RGS6: variants seen among roughly 807,000 people sequenced by gnomAD.
The protein encoded by RGS6 is regulator of G protein signaling 6, also known as regulator of G-protein signaling 6.
In RGS6, 30 loss-of-function variants were observed where a neutral mutation model predicts 78.5. The ratio of observed to expected loss-of-function variants is 0.38; its 90% CI spans 0.29 to 0.52. The LOEUF (loss-of-function observed/expected upper bound fraction) is 0.52, where lower values mean the gene tolerates loss of function less well. Among genes scored for constraint, RGS6 ranks in the 20% least tolerant of loss-of-function variants. RGS6 has a pLI of 0.85. For synonymous variants in RGS6, 206 were observed against 206.0 expected (o/e 1.00, Z 0.00); for missense variants, 495 against 609.7 (o/e 0.81, Z 1.98).
intron 3 of RGS6, among the ~76,000 whole-genome samples, chr14:72,354,037 C>T (rs116806751): frequency 0.03 from 4,495 of 152,136 alleles, 194 homozygotes; most frequent in African/African-American, 0.1. Flanking sequence ...CACACACGCA[C>T]ACACAGGGTC....
chr14:72,399,935 G>C (rs1319468556), intron 3 of RGS6, among the ~76,000 whole-genome samples: 1 of 152,146 alleles, frequency 6.6e-6, no homozygotes, highest in East Asian at 1.9e-4. Flanking sequence ...AAGTGACTGG[G>C]AGAATGGAAC....
the RGS6 span, among the ~76,000 whole-genome samples, chr14:72,587,523 A>G: frequency 6.6e-6 from 1 of 152,126 alleles, no homozygotes; most frequent in Non-Finnish European, 1.5e-5. Context: ...CCACCCCATA[A>G]CTTATAATAA....
intron 2 of RGS6, among the ~76,000 whole-genome samples, chr14:72,290,226 G>C (rs536375674): frequency 6.6e-6 from 1 of 152,230 alleles, no homozygotes; most frequent in Non-Finnish European, 1.5e-5. Flanking sequence ...GTTACACCCA[G>C]TATGCTGCAT....
At chr14:72,026,743 C>G (rs1472748443) in intron 2 of RGS6, among the ~76,000 whole-genome samples, 1 of 152,208 alleles carries the variant, frequency 6.6e-6, no homozygotes, top group Non-Finnish European at 1.5e-5. Context: ...TAGCTCTCTT[C>G]TGTGATGAGC....
At chr14:72,405,947 A>T (rs534416367) in intron 3 of RGS6, among the ~76,000 whole-genome samples, 9 of 152,312 alleles carry the variant, frequency 5.9e-5, no homozygotes, top group African/African-American at 2.2e-4. Context: ...TGACCCGCGT[A>T]TTTCCAAGGT....
At chr14:71,930,152 C>G (rs1367627479), upstream of RGS6, among the ~76,000 whole-genome samples, 1 of 143,196 alleles carries the variant, frequency 7.0e-6, no homozygotes, top group Non-Finnish European at 1.6e-5. Context: ...CACACATATA[C>G]ACTTATATTT....
intron 3 of RGS6, among the ~76,000 whole-genome samples, chr14:72,377,138 A>G (rs1019216646): frequency 1.3e-5 from 2 of 152,200 alleles, no homozygotes; most frequent in Admixed American, 6.5e-5. Context: ...ACAAGATACA[A>G]TATACAGCCC....
At chr14:72,045,361 G>C (rs763448748) in intron 2 of RGS6, among the ~76,000 whole-genome samples, 2 of 152,110 alleles carry the variant, frequency 1.3e-5, no homozygotes, top group Non-Finnish European at 2.9e-5. Context: ...TTTAGTATAA[G>C]GTTTTATGTT....
chr14:71,935,452 T>C (rs2088943855), intron 1 of RGS6, among the ~76,000 whole-genome samples: 1 of 152,212 alleles, frequency 6.6e-6, no homozygotes, highest in Non-Finnish European at 1.5e-5. Context: ...GAAATATAAC[T>C]TGGAAATGTG....
intron 2 of RGS6, among the ~76,000 whole-genome samples, chr14:72,283,094 G>A (rs538736207): frequency 5.9e-5 from 9 of 152,214 alleles, no homozygotes; most frequent in East Asian, 1.9e-4. Context: ...ATATTGTCAC[G>A]TATTTCAGAA....
rs551039934 is a variant in RGS6 at position 72,465,622 on chromosome 14, G to GTGGATGGATGGATGGA, written c.395-112_395-97dup. Reference sequence around the variant, plus strand: ...GATGGTTGGGTGGATGGGTGGATGGGTGGATGGATGGATGGATGGATGGAT... The same window carrying GTGGATGGATGGATGGA: ...GATGGTTGGGTGGATGGGTGGATGGGTGGATGGATGGATGGATGGATGGATGGATGGATGGATGGAT... On this transcript the variant is annotated intron_variant, in intron 6 of 17. Coordinates refer to ENST00000553525, the MANE Select transcript of RGS6 (RefSeq NM_001204424.2). 1.8e-3 allele frequency: 656 copies of GTGGATGGATGGATGGA among 355,560 alleles called. 5 individuals carry two copies. The highest frequency in any genetic ancestry group is 5.1e-3 in the African/African-American group (194 of 38,324). The allele number at this position is 355,560 out of a possible 1,614,324, so 22.0% of individuals were successfully genotyped here.
At chr14:72,367,290 C>T (rs2082627767) in intron 3 of RGS6, among the ~76,000 whole-genome samples, 1 of 152,202 alleles carries the variant, frequency 6.6e-6, no homozygotes, top group South Asian at 2.1e-4. Context: ...TCGGGATCCT[C>T]TATTTTCAGC....
At chr14:72,532,386 C>T (rs912153380) in intron 15 of RGS6, among the ~76,000 whole-genome samples, 2 of 152,172 alleles carry the variant, frequency 1.3e-5, no homozygotes, top group African/African-American at 4.8e-5. Context: ...CCATCTCTTT[C>T]CCTCTCCTTG....
At chr14:72,442,625 C>A (rs1275300110) in intron 3 of RGS6, among the ~76,000 whole-genome samples, 1 of 152,292 alleles carries the variant, frequency 6.6e-6, no homozygotes, top group East Asian at 1.9e-4. Flanking sequence ...TCACCACTTA[C>A]TGACCATTGG....
intron 2 of RGS6, among the ~76,000 whole-genome samples, chr14:72,337,578 T>A (rs1290742077): frequency 2.6e-5 from 4 of 152,072 alleles, no homozygotes; most frequent in Non-Finnish European, 5.9e-5. Context: ...GCCGGTTCGA[T>A]GAGTGGTAGG....
chr14:71,882,665 A>G, the RGS6 span, among the ~76,000 whole-genome samples: 1 of 152,226 alleles, frequency 6.6e-6, no homozygotes, highest in African/African-American at 2.4e-5. Context: ...TTCTTGCCCA[A>G]TAGCAATGAA....
intron 8 of RGS6, among the ~76,000 whole-genome samples, chr14:72,471,423 T>G (rs891341932): frequency 1.3e-5 from 2 of 152,108 alleles, no homozygotes; most frequent in Admixed American, 1.3e-4. Context: ...ACAGGAGAAG[T>G]GGGACAGGAG....
chr14:72,079,084 C>T (rs1345524099), intron 2 of RGS6, among the ~76,000 whole-genome samples: 1 of 152,062 alleles, frequency 6.6e-6, no homozygotes, highest in Non-Finnish European at 1.5e-5. Flanking sequence ...CACCTAGATG[C>T]CCTCCCTCAG....
intron 3 of RGS6, among the ~76,000 whole-genome samples, chr14:72,395,152 G>A (rs561602045): frequency 6.6e-6 from 1 of 152,226 alleles, no homozygotes; most frequent in East Asian, 1.9e-4. Context: ...AAAAATGGCA[G>A]TATGTTTCTG....
Sources: allele counts gnomAD v4.1 joint callset (sites outside exome capture counted in the v4.1 genomes callset), GRCh38; gene constraint gnomAD v4.1.1; transcripts MANE v1.5; gene names NCBI Gene and HGNC (gene_info 2026-07-23, HGNC 2026-07-21).